Variants in STRN observed in about 807,000 individuals in gnomAD.
STRN encodes striatin, also known as protein phosphatase 2 regulatory subunit B'''alpha.
A neutral mutation model predicts 96.3 loss-of-function variants in STRN; 53 were observed. That is an observed-to-expected ratio of 0.55 (90% CI 0.44 to 0.69). The LOEUF (loss-of-function observed/expected upper bound fraction) is 0.69. Ranked by LOEUF, STRN falls within the 30% of genes least tolerant of loss-of-function variation. The pLI is 0.00. For synonymous variants in STRN, 428 were observed against 355.9 expected (o/e 1.20, Z -2.28); for missense variants, 987 against 963.9 (o/e 1.02, Z -0.32).
At chr2:36,864,587 G>C (rs951445988) in intron 12 of STRN, among the ~76,000 whole-genome samples, 1 of 152,150 alleles carries the variant, frequency 6.6e-6, no homozygotes, top group African/African-American at 2.4e-5. Flanking sequence ...TTGCATCTAT[G>C]TTCATCAAGG....
At chr2:36,947,696 C>G (rs1281946146) in intron 1 of STRN, among the ~76,000 whole-genome samples, 1 of 151,554 alleles carries the variant, frequency 6.6e-6, no homozygotes, top group Non-Finnish European at 1.5e-5. Context: ...ATTCCTACTC[C>G]TGGTTCTCTC....
At chr2:36,904,404 AAT>A (rs1669764898) in intron 4 of STRN, among the ~76,000 whole-genome samples, 1 of 152,208 alleles carries the variant, frequency 6.6e-6, no homozygotes, top group South Asian at 2.1e-4. Context: ...CACAAATCTG[AAT>A]ATGAGTTTCA....
chr2:36,897,825 C>A (rs1191765495), intron 6 of STRN, among the ~76,000 whole-genome samples: 1 of 152,066 alleles, frequency 6.6e-6, no homozygotes, highest in Non-Finnish European at 1.5e-5. Flanking sequence ...CCTTCCTCAG[C>A]CTCCCATGCA....
At chr2:36,859,606 G>A (rs572759881) in intron 13 of STRN, among the ~76,000 whole-genome samples, 3 of 152,318 alleles carry the variant, frequency 2.0e-5, no homozygotes, top group Non-Finnish European at 2.9e-5. Context: ...TCAACTATAT[G>A]TAAAAGTACA....
chr2:36,931,861 C>T (rs1266908291), intron 1 of STRN, among the ~76,000 whole-genome samples: 1 of 152,236 alleles, frequency 6.6e-6, no homozygotes, highest in Non-Finnish European at 1.5e-5. Flanking sequence ...CAGGGTCTCG[C>T]TCTGTTGCCC....
At chr2:36,869,936 G>A (rs1052485357) in intron 10 of STRN, among the ~76,000 whole-genome samples, 4 of 151,918 alleles carry the variant, frequency 2.6e-5, no homozygotes, top group African/African-American at 9.7e-5. Context: ...AAATATGAAA[G>A]GTGTATTACA....
chr2:36,946,853 T>C (rs1256837119), intron 1 of STRN, among the ~76,000 whole-genome samples: 1 of 152,180 alleles, frequency 6.6e-6, no homozygotes, highest in Non-Finnish European at 1.5e-5. Flanking sequence ...CAATGATTCA[T>C]TTTCCAAATC....
rs1668062323 is a variant in STRN, at chr2:36,845,941, ACACACACACACT to A, written c.*3503_*3514del. On this transcript the variant is annotated 3_prime_UTR_variant, in exon 18 of 18. Transcript: ENST00000263918. ...CACACACACACACACACACACACAC[ACACACACACACT>A]AACTCTCTCTCTCTCTCTGTGCCCC... 9.0e-6 allele frequency: 1 copy of A among 111,540 alleles called. No homozygotes were observed. The highest frequency in any genetic ancestry group is 3.5e-5 in the African/African-American group (1 of 28,596). 6.9% of individuals were successfully genotyped at this position (111,540 alleles called of 1,614,324 possible).
At chr2:36,917,157 C>T (rs140042406) in intron 2 of STRN, among the ~76,000 whole-genome samples, 1 of 150,884 alleles carries the variant, frequency 6.6e-6, no homozygotes, top group Non-Finnish European at 1.5e-5. Context: ...GTAACACAGC[C>T]AAATTTGAAA....
In STRN at chr2:36,902,626, ACAACTGAGTCCTGATTTTTGT is replaced by A. The variant is rs780563517; in HGVS notation, c.596_616del (p.Asp199_Val205del). 1 of 1,611,362 alleles carries A rather than the reference ACAACTGAGTCCTGATTTTTGT, an allele frequency of 6.2e-7. No individual in the cohort carries two copies. The highest frequency in any genetic ancestry group is 8.5e-7 in the Non-Finnish European group (1 of 1,178,138). On this transcript the variant is annotated inframe_deletion, in exon 5 of 18. Transcript: ENST00000263918. ...TTTAACTTCAGCCTCTGTGCCATTT[ACAACTGAGTCCTGATTTTTGT>A]CATCTTCCCTGTCCGTGACATCACT...
chr2:36,895,341 A>C (rs1669511124), intron 6 of STRN, among the ~76,000 whole-genome samples: 1 of 151,842 alleles, frequency 6.6e-6, no homozygotes, highest in African/African-American at 2.4e-5. Context: ...AAAAAAAAAC[A>C]CAATTGGATA....
chr2:36,867,741 A>C (rs1668665968), intron 12 of STRN, 73 bp downstream of exon 12: 1 of 1,033,538 alleles, frequency 9.7e-7, no homozygotes, highest in Admixed American at 2.8e-5. Context: ...AGTAAGTGAA[A>C]GAAAATAAAA....
chr2:36,894,184 AT>A, intron 6 of STRN, 151 bp from the exon 7 acceptor site: 1 of 893,196 alleles, frequency 1.1e-6, no homozygotes, highest in Non-Finnish European at 1.6e-6. Flanking sequence ...GTTTTAAAAA[AT>A]ATGTACATTA....
At position 36,856,680 on chromosome 2, in the gene STRN, T is replaced by C. The variant is rs894532161; in HGVS notation, c.1837+1176A>G. On this transcript the variant is annotated intron_variant, in intron 14 of 17. Coordinates refer to ENST00000263918, the MANE Select transcript of STRN (RefSeq NM_003162.4). ...AAGACACGAAGGAACTTTGGGGAGA[T>C]AAAGGAAATGTTCTATCTCTCATAC... 2.0e-5 allele frequency among the ~76,000 whole-genome samples: 3 copies of C among 152,180 alleles called. No homozygotes were observed. The East Asian group carries it at 5.8e-4, about 29-fold the overall frequency.
At position 36,838,848 on chromosome 2, in the gene STRN, A is replaced by G. The variant is rs1041808393; in HGVS notation, c.*10608T>C. Reference sequence around the variant, plus strand: ...AATTCTCATCCTACATTGTTAAATGAGAAATGTGAGATGCAGAGAACGTAC... The same window carrying G: ...AATTCTCATCCTACATTGTTAAATGGGAAATGTGAGATGCAGAGAACGTAC... On this transcript the variant is annotated 3_prime_UTR_variant, in exon 18 of 18. Coordinates refer to ENST00000263918, the MANE Select transcript of STRN (RefSeq NM_003162.4). 1.3e-5 allele frequency among the ~76,000 whole-genome samples: 2 copies of G among 152,220 alleles called. No homozygotes were observed. Among genetic ancestry groups the G allele is most frequent in the Non-Finnish European group, 2.9e-5 (2 of 68,036 alleles).
intron 1 of STRN, among the ~76,000 whole-genome samples, chr2:36,961,710 A>G (rs1020721076): frequency 5.9e-5 from 9 of 151,792 alleles, no homozygotes; most frequent in African/African-American, 1.9e-4. Flanking sequence ...AGATGGTGTC[A>G]CTCTTTTGCT....
Position 36,966,477 on chromosome 2 carries a change from A to G in STRN, c.-14T>C. ...CTGCTCGTCCATGGCGGCCGCAGAT[A>G]CCCGGGGAGCTGCCCCGGCGCCCAG... On this transcript the variant is annotated 5_prime_UTR_variant, in exon 1 of 18. Coordinates refer to ENST00000263918, the MANE Select transcript of STRN (RefSeq NM_003162.4). The G allele has an allele frequency of 2.8e-6, 4 of 1,433,690 alleles. No homozygotes were observed. The highest frequency in any genetic ancestry group is 1.4e-5 in the South Asian group (1 of 71,318). The allele number at this position is 1,433,690 out of a possible 1,614,324, so 88.8% of individuals were successfully genotyped here.
intron 1 of STRN, among the ~76,000 whole-genome samples, chr2:36,932,163 T>C (rs1267652992): frequency 6.6e-6 from 1 of 151,740 alleles, no homozygotes; most frequent in African/African-American, 2.4e-5. Flanking sequence ...CAGCTAGTTT[T>C]ACTTTTTTTT....
At chr2:36,955,090 C>A (rs1326568931) in intron 1 of STRN, among the ~76,000 whole-genome samples, 1 of 152,122 alleles carries the variant, frequency 6.6e-6, no homozygotes, top group African/African-American at 2.4e-5. Flanking sequence ...CTATTCAAAC[C>A]ATACTTAATC....
Sources: gnomAD v4.1 joint callset for allele counts (sites outside exome capture counted in the v4.1 genomes callset) on GRCh38, gnomAD v4.1.1 for gene constraint, MANE v1.5 for transcripts, NCBI Gene and HGNC (gene_info 2026-07-23, HGNC 2026-07-21) for gene names.